SPECC1: variants seen among roughly 807,000 people sequenced by gnomAD.
The protein encoded by SPECC1 is sperm antigen with calponin homology and coiled-coil domains 1, also known as cytospin-B.
Under a neutral mutation model 104.1 loss-of-function variants are expected in SPECC1, and 62 were observed. The ratio of observed to expected loss-of-function variants is 0.60; its 90% CI spans 0.49 to 0.74. SPECC1 has a LOEUF of 0.74. Among genes scored for constraint, SPECC1 ranks in the 30% least tolerant of loss-of-function variants. The probability of loss-of-function intolerance (pLI) is 0.00; values close to 1 mark genes in which losing one functional copy is unlikely to be tolerated. For synonymous variants in SPECC1, 513 were observed against 501.6 expected (o/e 1.02, Z -0.30); for missense variants, 1,306 against 1,310.5 (o/e 1.00, Z 0.05).
In SPECC1 at chr17:20,305,715, A is replaced by G. The variant is rs1598175363; in HGVS notation, c.3058-308A>G. The G allele has an allele frequency of 3.2e-5, 9 of 281,608 alleles. No individual in the cohort carries two copies. In the East Asian group the frequency reaches 6.1e-4, roughly 19 times the overall value. The allele number at this position is 281,608 out of a possible 1,614,324, so 17.4% of individuals were successfully genotyped here. A position where few individuals can be genotyped will look rare whatever the true frequency, so the allele number is the denominator to read the frequency against. ...TTTTTTTGATATAGCATCATGATTA[A>G]GCAACTTTGTTATGCAACAGAATGT... is the stretch of plus-strand genomic sequence containing the variant. On this transcript the variant is annotated intron_variant, in intron 13 of 14. Transcript: ENST00000395527.
chr17:20,057,945 A>C (rs1249496916), intron 1 of SPECC1: 1 of 152,098 alleles, frequency 6.6e-6, no homozygotes. Flanking sequence ...TATTTCTTTA[A>C]TTTGTGAAGA....
chr17:20,022,380 C>G (rs2044428266), intron 1 of SPECC1, among the ~76,000 whole-genome samples: 1 of 152,106 alleles, frequency 6.6e-6, no homozygotes, highest in Admixed American at 6.5e-5. Flanking sequence ...AACTGGAATC[C>G]AATATAGACT....
At chr17:20,150,531 C>G (rs113116370) in intron 3 of SPECC1, among the ~76,000 whole-genome samples, 2 of 151,222 alleles carry the variant, frequency 1.3e-5, no homozygotes, top group Non-Finnish European at 2.9e-5. Flanking sequence ...CCCAGCTACT[C>G]GGGAGGCTGA....
intron 1 of SPECC1, among the ~76,000 whole-genome samples, chr17:20,026,656 A>G (rs1245258162): frequency 1.3e-5 from 2 of 152,184 alleles, no homozygotes; most frequent in African/African-American, 4.8e-5. Flanking sequence ...TTGAGTGTAT[A>G]TGCCACATTT....
At chr17:20,103,005 C>A (rs1488223768) in intron 2 of SPECC1, among the ~76,000 whole-genome samples, 34 of 152,126 alleles carry the variant, frequency 2.2e-4, no homozygotes, top group Admixed American at 2.2e-3. Context: ...GGTGAAGAAA[C>A]CAAAGCACAG....
intron 3 of SPECC1, among the ~76,000 whole-genome samples, chr17:20,140,495 A>C (rs896618908): frequency 6.6e-6 from 1 of 152,200 alleles, no homozygotes; most frequent in Non-Finnish European, 1.5e-5. Context: ...AGGAAGCGAT[A>C]TCTCTCCCTC....
intron 3 of SPECC1, among the ~76,000 whole-genome samples, chr17:20,189,092 C>T (rs1456769328): frequency 1.3e-5 from 2 of 152,142 alleles, no homozygotes; most frequent in African/African-American, 4.8e-5. Context: ...TTGCATCGAG[C>T]CTCCGTAACC....
At chr17:20,221,797 A>G (rs995986951) in intron 4 of SPECC1, among the ~76,000 whole-genome samples, 1 of 152,032 alleles carries the variant, frequency 6.6e-6, no homozygotes, top group African/African-American at 2.4e-5. Context: ...TCCTCTTAGT[A>G]CTGCTTTTGC....
At chr17:20,206,551 TA>T (rs1474342182) in intron 4 of SPECC1, among the ~76,000 whole-genome samples, 1 of 152,240 alleles carries the variant, frequency 6.6e-6, no homozygotes, top group Non-Finnish European at 1.5e-5. Flanking sequence ...AATATTCATT[TA>T]AACATTATTT....
intron 12 of SPECC1, among the ~76,000 whole-genome samples, chr17:20,273,351 G>A (rs1351159757): frequency 5.3e-5 from 8 of 152,004 alleles, no homozygotes; most frequent in African/African-American, 7.2e-5. Context: ...GGTGGTGCAC[G>A]CCTGTAGTCC....
intron 1 of SPECC1, among the ~76,000 whole-genome samples, chr17:20,074,113 G>A (rs995987285): frequency 6.6e-6 from 1 of 152,172 alleles, no homozygotes; most frequent in Non-Finnish European, 1.5e-5. Context: ...TTTGCCAAGT[G>A]TGGGATGTCT....
chr17:20,152,778 T>C (rs1452598743), intron 3 of SPECC1, among the ~76,000 whole-genome samples: 3 of 152,192 alleles, frequency 2.0e-5, no homozygotes, highest in African/African-American at 4.8e-5. Flanking sequence ...TTCAAGCGAT[T>C]CTCCTGCCTC....
At chr17:20,243,802 C>T (rs1332531704) in intron 7 of SPECC1, among the ~76,000 whole-genome samples, 1 of 152,088 alleles carries the variant, frequency 6.6e-6, no homozygotes, top group African/African-American at 2.4e-5. Flanking sequence ...AAGGAATAAC[C>T]TCAGCAGAAT....
intron 13 of SPECC1, among the ~76,000 whole-genome samples, chr17:20,301,117 G>A (rs1273671339): frequency 2.0e-5 from 3 of 152,134 alleles, no homozygotes; most frequent in Admixed American, 6.6e-5. Context: ...GGATGCTGGC[G>A]TTCTTTTTGG....
chr17:20,296,888 C>A, intron 12 of SPECC1, 73 bp from the exon 13 acceptor site: 19 of 1,381,736 alleles, frequency 1.4e-5, no homozygotes, highest in Non-Finnish European at 1.9e-5. Flanking sequence ...CCCATCTTAT[C>A]ACAATCTTCC....
Position 20,241,366 on chromosome 17 carries a change from C to T in SPECC1, c.2352-4560C>T, listed in dbSNP as rs74329355. 1.1e-3 allele frequency among the ~76,000 whole-genome samples: 163 copies of T among 152,280 alleles called. 3 individuals carry two copies. In the East Asian group the frequency reaches 0.028, roughly 26 times the overall value. On this transcript the variant is annotated intron_variant, in intron 7 of 14. Coordinates refer to ENST00000395527, the MANE Select transcript of SPECC1 (RefSeq NM_001243439.2). ...TAGGGTAAACCAACCTTGGCCTTCT[C>T]GGATGTAAATTCTTCTTGTTCCTGA...
At chr17:20,215,346 C>T (rs1350311114) in intron 4 of SPECC1, among the ~76,000 whole-genome samples, 2 of 152,192 alleles carry the variant, frequency 1.3e-5, no homozygotes, top group South Asian at 2.1e-4. Context: ...TTTAAGCACT[C>T]GAGAAAACTT....
intron 3 of SPECC1, among the ~76,000 whole-genome samples, chr17:20,204,114 T>C (rs1011991234): frequency 1.3e-5 from 2 of 152,172 alleles, no homozygotes; most frequent in African/African-American, 4.8e-5. Context: ...GGGGTCATCC[T>C]GAGTAGCTCA....
At chr17:20,033,942 A>G (rs1045222461) in intron 1 of SPECC1, among the ~76,000 whole-genome samples, 5 of 152,126 alleles carry the variant, frequency 3.3e-5, no homozygotes, top group African/African-American at 1.2e-4. Flanking sequence ...CTCTCTTCCT[A>G]AACAGTTAGC....
Sources: gnomAD v4.1 joint callset for allele counts (sites outside exome capture counted in the v4.1 genomes callset) on GRCh38, gnomAD v4.1.1 for gene constraint, MANE v1.5 for transcripts, NCBI Gene and HGNC (gene_info 2026-07-23, HGNC 2026-07-21) for gene names.